CCDC178: variants seen among roughly 807,000 people sequenced by gnomAD.
The protein encoded by CCDC178 is coiled-coil domain containing 178, also known as coiled-coil domain-containing protein 178.
Under a neutral mutation model 117.4 loss-of-function variants are expected in CCDC178, and 126 were observed. The ratio of observed to expected loss-of-function variants is 1.07; its 90% CI spans 0.93 to 1.24. The LOEUF is 1.24. Ranked by LOEUF, CCDC178 falls within the 50% of genes most tolerant of loss-of-function variation. The pLI is 0.00. For missense variants in CCDC178, 1,030 were observed against 986.9 expected (o/e 1.04, Z -0.59); for synonymous variants, 283 against 313.4 (o/e 0.90, Z 1.02).
intron 7 of CCDC178, among the ~76,000 whole-genome samples, chr18:33,350,180 T>C (rs1292433316): frequency 2.6e-5 from 4 of 152,080 alleles, no homozygotes; most frequent in Non-Finnish European, 2.9e-5. Context: ...TTACATGATA[T>C]AGTAAATTAT....
chr18:32,983,160 C>G, intron 21 of CCDC178: 1 of 569,968 alleles, frequency 1.8e-6, no homozygotes, highest in Non-Finnish European at 3.0e-6. Flanking sequence ...AACCACTTCT[C>G]AGTACACTGG....
chr18:33,331,772 T>C lies in CCDC178; in HGVS notation c.879+1402A>G, dbSNP rs187842114. ...TTCAGTATTGCCACTACTTCAGTAATAGAAATTGTTATAGGCACTCTGAAA... is the reference window on the plus strand; with the variant it reads ...TTCAGTATTGCCACTACTTCAGTAACAGAAATTGTTATAGGCACTCTGAAA... On this transcript the variant is annotated intron_variant, in intron 10 of 22. Coordinates refer to ENST00000383096, the MANE Select transcript of CCDC178 (RefSeq NM_001105528.4). Among the ~76,000 whole-genome samples the C allele has an allele frequency of 3.7e-3, 569 of 152,274 alleles. 8 individuals carry two copies. The highest frequency in any genetic ancestry group is 4.9e-4 in the Non-Finnish European group (33 of 68,010).
chr18:33,154,878 C>T (rs1410506546), intron 20 of CCDC178, among the ~76,000 whole-genome samples: 1 of 152,006 alleles, frequency 6.6e-6, no homozygotes, highest in Non-Finnish European at 1.5e-5. Flanking sequence ...AACAAAGCTT[C>T]AATACACATG....
Position 33,244,896 on chromosome 18 carries a change from C to T in CCDC178, c.1593+349G>A, listed in dbSNP as rs114057991. 5.9e-3 allele frequency among the ~76,000 whole-genome samples: 903 copies of T among 152,004 alleles called. 7 individuals carry two copies. The highest frequency in any genetic ancestry group is 0.021 in the African/African-American group (863 of 41,512). Reference sequence around the variant, plus strand: ...CTATTCTCACATTACATAAGGTAGACGAACACCTCTCAGAATCCCTTCTTC... The same window carrying T: ...CTATTCTCACATTACATAAGGTAGATGAACACCTCTCAGAATCCCTTCTTC... On this transcript the variant is annotated intron_variant, in intron 15 of 22. Transcript: ENST00000383096.
At chr18:33,276,064 A>G (rs1376700080) in intron 12 of CCDC178, among the ~76,000 whole-genome samples, 6 of 151,756 alleles carry the variant, frequency 4.0e-5, no homozygotes, top group Non-Finnish European at 5.9e-5. Flanking sequence ...AAATGACAAT[A>G]TTAGATGGGA....
At chr18:33,188,120 T>A (rs542066416) in intron 20 of CCDC178, among the ~76,000 whole-genome samples, 51 of 152,076 alleles carry the variant, frequency 3.4e-4, no homozygotes, top group African/African-American at 1.2e-3. Context: ...AGGGAACAAA[T>A]AACAGCACTA....
chr18:33,349,053 T>C lies in CCDC178; in HGVS notation c.372-78A>G, dbSNP rs1189155207. 3.7e-6 allele frequency: 3 copies of C among 820,310 alleles called. No homozygotes were observed. In the East Asian group the frequency reaches 7.8e-5, roughly 21 times the overall value. The allele number at this position is 820,310 out of a possible 1,614,324, so 50.8% of individuals were successfully genotyped here. A position where few individuals can be genotyped will look rare whatever the true frequency, so the allele number is the denominator to read the frequency against. On this transcript the variant is annotated intron_variant, in intron 7 of 22. Transcript: ENST00000383096. ...CAAATTTTAGGTTATGCTCTTCTAT[T>C]GAATTTTAAATATTTGTGGTGAAAC... is the stretch of plus-strand genomic sequence containing the variant.
At chr18:33,070,853 G>A (rs1332446785) in intron 21 of CCDC178, among the ~76,000 whole-genome samples, 1 of 151,926 alleles carries the variant, frequency 6.6e-6, no homozygotes. Context: ...AAGACAAAGA[G>A]ACAGTTTTCA....
intron 12 of CCDC178, among the ~76,000 whole-genome samples, chr18:33,280,953 T>C (rs1198215581): frequency 1.3e-5 from 2 of 151,964 alleles, no homozygotes; most frequent in Admixed American, 6.6e-5. Context: ...GGGACTGTTG[T>C]GGGGTGGGGC....
chr18:33,123,070 G>A (rs1412386146), intron 20 of CCDC178, among the ~76,000 whole-genome samples: 2 of 152,102 alleles, frequency 1.3e-5, no homozygotes, highest in African/African-American at 4.8e-5. Flanking sequence ...ACCATTTTGA[G>A]TTTAAGCACT....
At chr18:33,007,370 T>C (rs2055773177) in intron 21 of CCDC178, among the ~76,000 whole-genome samples, 2 of 152,116 alleles carry the variant, frequency 1.3e-5, no homozygotes, top group Admixed American at 1.3e-4. Flanking sequence ...CATATGATTA[T>C]GTGAGTTAAC....
intron 5 of CCDC178, among the ~76,000 whole-genome samples, chr18:33,384,165 A>T (rs1176659206): frequency 6.6e-6 from 1 of 152,148 alleles, no homozygotes; most frequent in Non-Finnish European, 1.5e-5. Context: ...GATTAGATAA[A>T]AAAGAATGAA....
At chr18:33,396,172 C>G (rs1426920141) in intron 4 of CCDC178, among the ~76,000 whole-genome samples, 7 of 151,892 alleles carry the variant, frequency 4.6e-5, no homozygotes, top group Non-Finnish European at 7.4e-5. Flanking sequence ...AAGTGGAACT[C>G]AAAATGCCAA....
chr18:33,007,531 C>T (rs1287857719), intron 21 of CCDC178, among the ~76,000 whole-genome samples: 10 of 151,906 alleles, frequency 6.6e-5, no homozygotes, highest in Non-Finnish European at 1.5e-4. Context: ...ATCACTAAAA[C>T]CCTCTGCCCA....
At chr18:33,268,277 T>TA (rs1463920808) in intron 12 of CCDC178, among the ~76,000 whole-genome samples, 1 of 151,880 alleles carries the variant, frequency 6.6e-6, no homozygotes, top group Non-Finnish European at 1.5e-5. Context: ...TTTATTTTCC[T>TA]AATCATAGTA....
At chr18:33,298,146 T>C (rs1335279141) in intron 11 of CCDC178, among the ~76,000 whole-genome samples, 1 of 151,526 alleles carries the variant, frequency 6.6e-6, no homozygotes, top group Non-Finnish European at 1.5e-5. Context: ...GTAACCTTGA[T>C]ACCAAAACTA....
intron 20 of CCDC178, among the ~76,000 whole-genome samples, chr18:33,097,057 C>T (rs2057553950): frequency 6.6e-6 from 1 of 152,132 alleles, no homozygotes; most frequent in South Asian, 2.1e-4. Context: ...AACTTTATCA[C>T]TCCCTATCCA....
At chr18:33,109,908 C>A (rs1384218210) in intron 20 of CCDC178, among the ~76,000 whole-genome samples, 1 of 151,428 alleles carries the variant, frequency 6.6e-6, no homozygotes, top group Non-Finnish European at 1.5e-5. Flanking sequence ...ATAAAGCTGA[C>A]AGTAACACTT....
At chr18:33,399,428 A>C (rs968030146) in intron 3 of CCDC178, among the ~76,000 whole-genome samples, 2 of 152,222 alleles carry the variant, frequency 1.3e-5, no homozygotes, top group African/African-American at 4.8e-5. Flanking sequence ...TTAATAGCAT[A>C]TTATGCACAG....
Sources: allele counts gnomAD v4.1 joint callset (sites outside exome capture counted in the v4.1 genomes callset), GRCh38; gene constraint gnomAD v4.1.1; transcripts MANE v1.5; gene names NCBI Gene and HGNC (gene_info 2026-07-23, HGNC 2026-07-21).